Variants in RASEF observed in about 807,000 individuals in gnomAD.
RASEF encodes RAS and EF-hand domain containing, also known as ras and EF-hand domain-containing protein.
In RASEF, 68 loss-of-function variants were observed where a neutral mutation model predicts 90.1. The observed-to-expected ratio is 0.75, with a 90% confidence interval of 0.62 to 0.92. The LOEUF (loss-of-function observed/expected upper bound fraction) is 0.92, where lower values mean the gene tolerates loss of function less well. RASEF is among the 40% of genes least tolerant of loss of function. RASEF has a pLI of 0.00. For synonymous variants in RASEF, 331 were observed against 345.2 expected (o/e 0.96, Z 0.46); for missense variants, 949 against 937.2 (o/e 1.01, Z -0.16).
chr9:83,162,107 T>C, the RASEF span, among the ~76,000 whole-genome samples: 837 of 152,118 alleles, frequency 5.5e-3, 6 homozygotes, highest in African/African-American at 0.019. Context: ...AGAAAAAAAA[T>C]AGATTGAGAT....
the RASEF span, among the ~76,000 whole-genome samples, chr9:83,214,982 C>A: frequency 6.6e-6 from 1 of 151,838 alleles, no homozygotes; most frequent in South Asian, 2.1e-4. Flanking sequence ...CCCATATAAA[C>A]CCTGAACCCC....
At chr9:83,182,770 G>A in the RASEF span, among the ~76,000 whole-genome samples, 1 of 152,022 alleles carries the variant, frequency 6.6e-6, no homozygotes, top group African/African-American at 2.4e-5. Context: ...TACGTTTGGT[G>A]AAAAAAGTTA....
intron 1 of RASEF, among the ~76,000 whole-genome samples, chr9:83,036,344 T>G (rs1356222013): frequency 6.6e-6 from 1 of 152,210 alleles, no homozygotes; most frequent in East Asian, 1.9e-4. Context: ...CTGCAAGATG[T>G]GCAAAATGCT....
chr9:83,207,109 C>G, the RASEF span, among the ~76,000 whole-genome samples: 2 of 152,158 alleles, frequency 1.3e-5, no homozygotes, highest in African/African-American at 2.4e-5. Flanking sequence ...AAATATGTCT[C>G]CAGTACACTG....
chr9:83,120,329 A>G, the RASEF span, among the ~76,000 whole-genome samples: 2 of 152,130 alleles, frequency 1.3e-5, no homozygotes, highest in Non-Finnish European at 2.9e-5. Flanking sequence ...GTAACTCCTC[A>G]TCCCATGGAG....
the RASEF span, among the ~76,000 whole-genome samples, chr9:83,167,703 C>T: frequency 6.6e-6 from 1 of 152,098 alleles, no homozygotes; most frequent in Non-Finnish European, 1.5e-5. Context: ...AATCCGGTAG[C>T]CATTCATCTA....
chr9:83,196,462 C>T, the RASEF span, among the ~76,000 whole-genome samples: 1 of 152,308 alleles, frequency 6.6e-6, no homozygotes, highest in East Asian at 1.9e-4. Context: ...CTCTCATCCA[C>T]AGCAGCCTTG....
intron 1 of RASEF, among the ~76,000 whole-genome samples, chr9:83,058,177 T>C (rs1264607279): frequency 8.6e-6 from 1 of 116,372 alleles, no homozygotes; most frequent in Non-Finnish European, 1.8e-5. Context: ...TATGTCTTTT[T>C]TTTTTTTTTT....
the RASEF span, among the ~76,000 whole-genome samples, chr9:83,175,011 G>T: frequency 1.3e-5 from 2 of 152,062 alleles, no homozygotes; most frequent in Admixed American, 1.3e-4. Context: ...CTACTGGGGT[G>T]TTTAATAGTA....
the RASEF span, among the ~76,000 whole-genome samples, chr9:83,197,580 A>G: frequency 6.6e-6 from 1 of 152,208 alleles, no homozygotes; most frequent in African/African-American, 2.4e-5. Context: ...TTCTGTAATA[A>G]GAAATCTTGG....
the RASEF span, among the ~76,000 whole-genome samples, chr9:83,175,505 T>A: frequency 6.6e-6 from 1 of 152,206 alleles, no homozygotes; most frequent in Non-Finnish European, 1.5e-5. Context: ...GGATTTGTTT[T>A]ACTAGTATTT....
chr9:83,197,529 A>T, the RASEF span, among the ~76,000 whole-genome samples: 15 of 151,602 alleles, frequency 9.9e-5, no homozygotes, highest in Non-Finnish European at 1.5e-4. Context: ...ATGATTTTTT[A>T]AAAAAATTTA....
At chr9:83,207,176 AT>A in the RASEF span, among the ~76,000 whole-genome samples, 1 of 139,650 alleles carries the variant, frequency 7.2e-6, no homozygotes, top group African/African-American at 3.3e-5. Context: ...TATCACGGAC[AT>A]TCTGCTCCAA....
the RASEF span, among the ~76,000 whole-genome samples, chr9:83,128,509 C>T: frequency 6.8e-6 from 1 of 147,348 alleles, no homozygotes. Context: ...GGCATGCAGT[C>T]CCCAATTCTG....
the RASEF span, among the ~76,000 whole-genome samples, chr9:83,098,553 C>A: frequency 6.6e-6 from 1 of 152,206 alleles, no homozygotes; most frequent in Admixed American, 6.5e-5. Flanking sequence ...TATTAAGTGC[C>A]TAATTGCAAC....
chr9:83,147,141 C>A, the RASEF span, among the ~76,000 whole-genome samples: 1 of 151,450 alleles, frequency 6.6e-6, no homozygotes, highest in Admixed American at 6.6e-5. Context: ...TTCTTTCCAC[C>A]TCAGAAAGAA....
chr9:83,062,708 G>C lies in RASEF; in HGVS notation c.160C>G (p.Leu54Val). 1 of 1,578,810 alleles carries C rather than the reference G, an allele frequency of 6.3e-7. No individual in the cohort carries two copies. The highest frequency in any genetic ancestry group is 8.5e-7 in the Non-Finnish European group (1 of 1,171,044). The change falls in exon 1 of 17, where the codon CTG becomes GTG. Residue 54 changes from leucine (L) to valine (V), a missense_variant. By Grantham distance (32) the Leu-to-Val change is conservative (BLOSUM62 1). Coordinates refer to ENST00000376447, the MANE Select transcript of RASEF (RefSeq NM_152573.4). ...ATGGCGCCGTCACGGTCGGCGTCCA[G>C]CCGCTGGAATACTGCCTCGGCGTCG... ...PADAEAVFQR[L>V]DADRDGAITF... is the part of the protein sequence containing the mutation.
rs887197859 is a variant in RASEF, at chr9:82,998,433, T to G, written c.1737A>C (p.Gln579His). 6.2e-7 allele frequency: 1 copy of G among 1,608,318 alleles called. No homozygotes were observed. Among genetic ancestry groups the G allele is most frequent in the South Asian group, 1.1e-5 (1 of 90,956 alleles). The change falls in exon 13 of 17, where the codon CAA becomes CAC. Residue 579 changes from glutamine to histidine, a missense_variant. By Grantham distance (24) the Gln-to-His change is conservative. Transcript: ENST00000376447. ...NISATLGVDF[Q>H]MKTLIVDGER... ...CTCCATCCACAATGAGGGTTTTCAT[T>G]TGGAAATCAACTCCTGAAAAGGAAT...
chr9:83,205,135 T>C, the RASEF span, among the ~76,000 whole-genome samples: 1 of 152,176 alleles, frequency 6.6e-6, no homozygotes, highest in Admixed American at 6.5e-5. Context: ...GTTGATGAAA[T>C]CTTTGGAGGA....
Sources: gnomAD v4.1 joint callset for allele counts (sites outside exome capture counted in the v4.1 genomes callset) on GRCh38, gnomAD v4.1.1 for gene constraint, MANE v1.5 for transcripts, NCBI Gene and HGNC (gene_info 2026-07-23, HGNC 2026-07-21) for gene names.